Variants in CAST observed in about 807,000 individuals in gnomAD.
CAST encodes the protein MIR583 host.
CAST carries 76 observed loss-of-function variants against 119.6 expected under a neutral mutation model. The observed-to-expected ratio is 0.64, with a 90% CI of 0.53 to 0.77. The LOEUF is 0.77. Among genes scored for constraint, CAST ranks in the 30% least tolerant of loss-of-function variants. The probability of loss-of-function intolerance (pLI) is 0.00; values close to 1 mark genes in which losing one functional copy is unlikely to be tolerated. For synonymous variants in CAST, 319 were observed against 331.6 expected (o/e 0.96, Z 0.41); for missense variants, 953 against 946.5 (o/e 1.01, Z -0.09).
At chr5:96,293,535 C>T in the CAST span, among the ~76,000 whole-genome samples, 1 of 152,156 alleles carries the variant, frequency 6.6e-6, no homozygotes, top group East Asian at 1.9e-4. Flanking sequence ...CTCAGCCTTC[C>T]AAAGTGCTGG....
chr5:96,557,072 A>G (rs1746257090), intron 1 of CAST, among the ~76,000 whole-genome samples: 1 of 152,152 alleles, frequency 6.6e-6, no homozygotes, highest in African/African-American at 2.4e-5. Flanking sequence ...CTTAAAGAAA[A>G]GAATTTTCAA....
At chr5:96,390,814 C>T in the CAST span, 170 of 152,700 alleles carry the variant, frequency 1.1e-3, 1 homozygote, top group Non-Finnish European at 1.2e-3. Context: ...TGTTTTATAT[C>T]TGAATATTAT....
At chr5:95,975,516 A>G in the CAST span, among the ~76,000 whole-genome samples, 1 of 152,194 alleles carries the variant, frequency 6.6e-6, no homozygotes, top group African/African-American at 2.4e-5. Flanking sequence ...CTGAATTTTT[A>G]AATTACCGTT....
At chr5:96,136,747 C>G in the CAST span, among the ~76,000 whole-genome samples, 11 of 152,282 alleles carry the variant, frequency 7.2e-5, no homozygotes, top group Non-Finnish European at 1.3e-4. Context: ...TAATCTCCCT[C>G]CAACAATGAG....
upstream of CAST, chr5:96,529,688 T>A (rs893384277): frequency 6.4e-6 from 2 of 311,720 alleles, no homozygotes; most frequent in South Asian, 2.6e-5. Flanking sequence ...TAGATGGAGA[T>A]AACTGAATCG....
intron 3 of CAST, among the ~76,000 whole-genome samples, chr5:96,718,654 C>G (rs76025800): frequency 0.011 from 1,665 of 152,182 alleles, 35 homozygotes; most frequent in African/African-American, 0.039. Flanking sequence ...CCACAGCAGC[C>G]AACAAGGAGA....
the CAST span, among the ~76,000 whole-genome samples, chr5:96,403,151 A>G: frequency 2.0e-5 from 3 of 152,174 alleles, no homozygotes; most frequent in Non-Finnish European, 4.4e-5. Flanking sequence ...TCTGTAGTAG[A>G]GCATTTATTT....
the CAST span, among the ~76,000 whole-genome samples, chr5:96,265,182 C>T: frequency 1.3e-5 from 2 of 152,120 alleles, no homozygotes; most frequent in Admixed American, 1.3e-4. Flanking sequence ...TGGCCTTTCA[C>T]ATCTTTTTAG....
chr5:96,003,301 G>A, the CAST span, among the ~76,000 whole-genome samples: 1 of 151,986 alleles, frequency 6.6e-6, no homozygotes, highest in Non-Finnish European at 1.5e-5. Flanking sequence ...CACTTTGGGA[G>A]GCCGAGGAGG....
At chr5:96,339,462 C>A in the CAST span, among the ~76,000 whole-genome samples, 1 of 152,240 alleles carries the variant, frequency 6.6e-6, no homozygotes, top group South Asian at 2.1e-4. Context: ...CATAACATTG[C>A]ACATGATAGA....
chr5:96,049,906 A>G, the CAST span, among the ~76,000 whole-genome samples: 3 of 148,502 alleles, frequency 2.0e-5, no homozygotes, highest in African/African-American at 5.0e-5. Flanking sequence ...AAAAAAAAAA[A>G]AAAAAAAAAA....
chr5:96,190,149 A>C, the CAST span, among the ~76,000 whole-genome samples: 1 of 152,150 alleles, frequency 6.6e-6, no homozygotes, highest in African/African-American at 2.4e-5. Flanking sequence ...CAGAATTTGC[A>C]CTGGGGGATT....
At chr5:96,691,498 T>C (rs942306051) in intron 2 of CAST, among the ~76,000 whole-genome samples, 3 of 152,244 alleles carry the variant, frequency 2.0e-5, no homozygotes, top group Admixed American at 6.5e-5. Context: ...CAGCAGCCAC[T>C]AAGTCTTCTC....
intron 1 of CAST, among the ~76,000 whole-genome samples, chr5:96,542,323 A>G (rs942811888): frequency 6.6e-6 from 1 of 151,804 alleles, no homozygotes; most frequent in Non-Finnish European, 1.5e-5. Context: ...AAAAAAAAAA[A>G]GACAAAACTA....
the CAST span, among the ~76,000 whole-genome samples, chr5:96,378,314 G>A: frequency 6.6e-6 from 1 of 151,976 alleles, no homozygotes; most frequent in Non-Finnish European, 1.5e-5. Flanking sequence ...AAGCAGATAG[G>A]TCTTAAATGT....
At chr5:96,478,718 C>A in the CAST span, among the ~76,000 whole-genome samples, 3 of 152,182 alleles carry the variant, frequency 2.0e-5, no homozygotes. Flanking sequence ...CTGACTTTTA[C>A]CTAATGAGAA....
chr5:96,390,045 A>G, the CAST span, among the ~76,000 whole-genome samples: 1 of 152,236 alleles, frequency 6.6e-6, no homozygotes, highest in Non-Finnish European at 1.5e-5. Flanking sequence ...ATTTGGTGAA[A>G]TGTTGGGAAT....
the CAST span, among the ~76,000 whole-genome samples, chr5:96,008,199 G>GT: frequency 6.6e-6 from 1 of 152,124 alleles, no homozygotes; most frequent in Admixed American, 6.6e-5. Flanking sequence ...AACTTCTCCA[G>GT]TTTTTTGATT....
intron 1 of CAST, among the ~76,000 whole-genome samples, chr5:96,587,002 C>A (rs995739718): frequency 1.4e-4 from 21 of 152,172 alleles, no homozygotes; most frequent in Non-Finnish European, 2.6e-4. Context: ...GGAAAACCAC[C>A]TTCAAACCGA....
Sources: allele counts gnomAD v4.1 joint callset (sites outside exome capture counted in the v4.1 genomes callset), GRCh38; gene constraint gnomAD v4.1.1; transcripts MANE v1.5; gene names NCBI Gene and HGNC (gene_info 2026-07-23, HGNC 2026-07-21).